MYL1: variants seen among roughly 807,000 people sequenced by gnomAD.
The protein encoded by MYL1 is myosin light chain 1.
In MYL1, 16 loss-of-function variants were observed where a neutral mutation model predicts 21.8. That is an observed-to-expected ratio of 0.74 (90% confidence interval 0.50 to 1.12). The LOEUF is 1.12. Ranked by LOEUF, MYL1 falls within the 50% of genes most tolerant of loss-of-function variation. The pLI is 0.00. For synonymous variants in MYL1, 99 were observed against 85.2 expected (o/e 1.16, Z -0.89); for missense variants, 246 against 241.0 (o/e 1.02, Z -0.14).
At chr2:210,307,499 C>T (rs183743829) in intron 1 of MYL1, among the ~76,000 whole-genome samples, 4 of 152,094 alleles carry the variant, frequency 2.6e-5, no homozygotes, top group African/African-American at 9.7e-5. Context: ...GTTTATGTAC[C>T]TTTATATTTG....
chr2:210,298,621 C>G, intron 2 of MYL1, 58 bp from the exon 3 acceptor site: 1 of 1,579,902 alleles, frequency 6.3e-7, no homozygotes, highest in Non-Finnish European at 8.6e-7. Context: ...ATTAATTAAA[C>G]CTAACCTTAT....
intron 3 of MYL1, among the ~76,000 whole-genome samples, chr2:210,297,053 T>C (rs570688937): frequency 4.7e-4 from 71 of 149,512 alleles, no homozygotes; most frequent in Non-Finnish European, 6.2e-4. Context: ...ATATAAAATA[T>C]TTTCTTTATC....
At chr2:210,301,584 AT>A (rs970269314) in intron 2 of MYL1, among the ~76,000 whole-genome samples, 4 of 151,918 alleles carry the variant, frequency 2.6e-5, no homozygotes, top group African/African-American at 4.8e-5. Flanking sequence ...TTTGAAGCTA[AT>A]TTTTTCTCCT....
rs756816293 is a variant in MYL1, at chr2:210,298,480, G to A, written c.244C>T (p.Leu82=). The A allele has an allele frequency of 6.2e-7, 1 of 1,614,026 alleles. No individual in the cohort carries two copies. Among genetic ancestry groups the A allele is most frequent in the Non-Finnish European group, 8.5e-7 (1 of 1,180,004 alleles). Residue 82 remains leucine, a synonymous_variant, in exon 3 of 7, where the codon CTG becomes TTG. Coordinates refer to ENST00000352451, the MANE Select transcript of MYL1 (RefSeq NM_079420.3). ...LSQVGDVLRA[L]GTNPTNAEVR... ...TCTGCATTGGTGGGATTTGTGCCCA[G>A]AGCTCGAAGGACATCACCGACCTGG... is the stretch of plus-strand genomic sequence containing the variant.
intron 1 of MYL1, chr2:210,303,482 G>T: frequency 6.6e-7 from 1 of 1,521,946 alleles, no homozygotes; most frequent in Non-Finnish European, 9.1e-7. Flanking sequence ...TTCTCAATAA[G>T]ATCATATCCT....
intron 3 of MYL1, 56 bp from the exon 4 acceptor site, chr2:210,294,474 C>A (rs2125738997): frequency 1.3e-6 from 2 of 1,497,142 alleles, no homozygotes; most frequent in South Asian, 2.5e-5. Flanking sequence ...AACTCTGAGT[C>A]ACAATTTAAA....
chr2:210,291,159 C>T lies in MYL1; in HGVS notation c.557-85G>A, dbSNP rs1028398881. 20 of 1,061,380 alleles carry T rather than the reference C, an allele frequency of 1.9e-5. 1 individual carries two copies. Among genetic ancestry groups the T allele is most frequent in the Non-Finnish European group, 2.6e-5 (18 of 692,138 alleles). The allele number at this position is 1,061,380 out of a possible 1,614,324, so 65.7% of individuals were successfully genotyped here. A position where few individuals can be genotyped will look rare whatever the true frequency, so the allele number is the denominator to read the frequency against. ...AAAAGAGAGGTTTAATGAGTTAGCTCAATCCTATTTTTAGCTGTAACAATA... is the reference window on the plus strand; with the variant it reads ...AAAAGAGAGGTTTAATGAGTTAGCTTAATCCTATTTTTAGCTGTAACAATA... On this transcript the variant is annotated intron_variant, in intron 5 of 6. Transcript: ENST00000352451.
chr2:210,290,924 G>T, intron 6 of MYL1, 108 bp downstream of exon 6: 1 of 566,904 alleles, frequency 1.8e-6, no homozygotes, highest in Non-Finnish European at 3.0e-6. Context: ...TAAATATCTC[G>T]TAATTAAGAA....
At position 210,300,074 on chromosome 2, in the gene MYL1, G is replaced by A. The variant is rs374107109; in HGVS notation, c.161-1511C>T. Among the ~76,000 whole-genome samples the A allele has an allele frequency of 7.2e-4, 109 of 152,202 alleles. 4 individuals are homozygous for A. In the South Asian group the frequency reaches 0.022, roughly 31 times the overall value. Reference sequence around the variant, plus strand: ...AGCTAAAAAACTTGCTGCAGGCACTGAGAAGTCATTAGTCAAATATTATTT... The same window carrying A: ...AGCTAAAAAACTTGCTGCAGGCACTAAGAAGTCATTAGTCAAATATTATTT... On this transcript the variant is annotated intron_variant, in intron 2 of 6. Transcript: ENST00000352451.
chr2:210,300,831 T>C (rs1328943495), intron 2 of MYL1, among the ~76,000 whole-genome samples: 1 of 152,184 alleles, frequency 6.6e-6, no homozygotes, highest in Non-Finnish European at 1.5e-5. Context: ...AATCCTGTGA[T>C]AGATTCCAAT....
At chr2:210,292,520 T>A (rs1014937613) in intron 5 of MYL1, among the ~76,000 whole-genome samples, 2 of 152,068 alleles carry the variant, frequency 1.3e-5, no homozygotes, top group Non-Finnish European at 2.9e-5. Flanking sequence ...GTAGTTCTTT[T>A]TTATTAGGAA....
intron 1 of MYL1, among the ~76,000 whole-genome samples, chr2:210,312,910 C>T (rs1288312356): frequency 6.6e-6 from 1 of 151,622 alleles, no homozygotes; most frequent in East Asian, 1.9e-4. Context: ...ATTGTATCCT[C>T]ACAATATTAC....
intron 1 of MYL1, chr2:210,303,615 T>C: frequency 1.3e-6 from 2 of 1,593,604 alleles, no homozygotes; most frequent in Non-Finnish European, 1.7e-6. Context: ...GGTCCCTGAG[T>C]GGGGTCATCC....
chr2:210,291,098 T>C (rs776519660), intron 5 of MYL1, 24 bp from the exon 6 acceptor site: 14 of 1,593,226 alleles, frequency 8.8e-6, no homozygotes, highest in African/African-American at 4.0e-5. Context: ...ATAGACAAAA[T>C]AGACAATTTA....
At position 210,291,059 on chromosome 2, in the gene MYL1, ATGTGC is replaced by A; in HGVS notation, c.567_571del (p.Lys189AsnfsTer24). 6.2e-7 allele frequency: 1 copy of A among 1,610,016 alleles called. No homozygotes were observed. Among genetic ancestry groups the A allele is most frequent in the Non-Finnish European group, 8.5e-7 (1 of 1,176,756 alleles). Reference sequence around the variant, plus strand: ...TGAGAGCTCCATTCAGATAGACATGATGTGCTTGACAAAAGCTGTAGGAGCAAAAT... The same window carrying A: ...TGAGAGCTCCATTCAGATAGACATGATTGACAAAAGCTGTAGGAGCAAAAT... On this transcript the variant is annotated frameshift_variant, in exon 6 of 7. Coordinates refer to ENST00000352451, the MANE Select transcript of MYL1 (RefSeq NM_079420.3). LOFTEE classifies it high-confidence loss of function.
At chr2:210,310,347 C>A (rs1242864020) in intron 1 of MYL1, among the ~76,000 whole-genome samples, 1 of 151,976 alleles carries the variant, frequency 6.6e-6, no homozygotes, top group African/African-American at 2.4e-5. Flanking sequence ...CATTGTATTT[C>A]TGCATACCAT....
chr2:210,291,132 A>G (rs1290918005), intron 5 of MYL1, 58 bp from the exon 6 acceptor site: 3 of 1,401,550 alleles, frequency 2.1e-6, no homozygotes, highest in East Asian at 4.6e-5. Flanking sequence ...GTCAAATTTA[A>G]TAAAAGAGAG....
intron 5 of MYL1, among the ~76,000 whole-genome samples, chr2:210,292,206 C>A (rs749369066): frequency 3.3e-5 from 5 of 152,090 alleles, no homozygotes; most frequent in Non-Finnish European, 5.9e-5. Context: ...GTAGCTGGGA[C>A]TACAGGCTAC....
At chr2:210,314,176 T>A (rs1690456182) in intron 1 of MYL1, among the ~76,000 whole-genome samples, 4 of 152,164 alleles carry the variant, frequency 2.6e-5, no homozygotes, top group Admixed American at 2.6e-4. Flanking sequence ...CCAAGATCAG[T>A]AGGCAAATAC....
Sources: allele counts gnomAD v4.1 joint callset (sites outside exome capture counted in the v4.1 genomes callset), GRCh38; gene constraint gnomAD v4.1.1; transcripts MANE v1.5; gene names NCBI Gene and HGNC (gene_info 2026-07-23, HGNC 2026-07-21).